The following KDM2A variants were observed in gnomAD, a reference collection of about 807,000 sequenced individuals.
KDM2A encodes lysine demethylase 2A.
In KDM2A, 3 loss-of-function variants were observed where a neutral mutation model predicts 137.3. The observed-to-expected ratio is 0.02, with a 90% CI of 0.01 to 0.06. The LOEUF (loss-of-function observed/expected upper bound fraction) is 0.06. KDM2A is among the 10% of genes least tolerant of loss of function. The pLI is 1.00. For synonymous variants in KDM2A, 512 were observed against 541.5 expected (o/e 0.95, Z 0.76); for missense variants, 738 against 1,510.6 (o/e 0.49, Z 8.48).
chr11:67,126,707 CAAAAAAAAA>C (rs765065960), intron 2 of KDM2A, among the ~76,000 whole-genome samples: 2 of 75,282 alleles, frequency 2.7e-5, no homozygotes, highest in Non-Finnish European at 6.1e-5. Context: ...GACTCCATTT[CAAAAAAAAA>C]AAAAAAAAAA....
intron 5 of KDM2A, among the ~76,000 whole-genome samples, chr11:67,183,667 C>G (rs1270054382): frequency 1.3e-5 from 2 of 152,182 alleles, no homozygotes; most frequent in Admixed American, 6.5e-5. Context: ...CAACCAAGCC[C>G]ATGACAAGCA....
chr11:67,226,095 T>C (rs1180638012), intron 10 of KDM2A, among the ~76,000 whole-genome samples: 1 of 146,258 alleles, frequency 6.8e-6, no homozygotes, highest in Non-Finnish European at 1.5e-5. Flanking sequence ...AATAAATAAA[T>C]TTAAAATAAC....
At chr11:67,195,041 A>C (rs1857443863) in intron 5 of KDM2A, among the ~76,000 whole-genome samples, 1 of 152,206 alleles carries the variant, frequency 6.6e-6, no homozygotes, top group Non-Finnish European at 1.5e-5. Context: ...ACAGTGTAGA[A>C]TATATGCAAT....
intron 12 of KDM2A, among the ~76,000 whole-genome samples, chr11:67,242,269 G>T (rs75665092): frequency 1.6e-5 from 2 of 126,680 alleles, no homozygotes; most frequent in African/African-American, 5.3e-5. Flanking sequence ...AGACTCTGTG[G>T]GTGTGTGTAT....
chr11:67,178,226 GA>G (rs1178555188), intron 2 of KDM2A, among the ~76,000 whole-genome samples: 1 of 151,912 alleles, frequency 6.6e-6, no homozygotes, highest in Non-Finnish European at 1.5e-5. Context: ...GCCAACATGG[GA>G]AACCCCTGTC....
At chr11:67,173,950 A>G (rs930797712) in intron 2 of KDM2A, among the ~76,000 whole-genome samples, 1 of 152,074 alleles carries the variant, frequency 6.6e-6, no homozygotes, top group African/African-American at 2.4e-5. Flanking sequence ...GGCTTCAGAA[A>G]GTGATCCTCC....
intron 5 of KDM2A, among the ~76,000 whole-genome samples, chr11:67,206,889 G>A (rs150230968): frequency 2.0e-5 from 3 of 152,248 alleles, no homozygotes; most frequent in African/African-American, 7.2e-5. Context: ...GTCCATCCTG[G>A]TGTCTTTATC....
intron 2 of KDM2A, among the ~76,000 whole-genome samples, chr11:67,179,696 C>T (rs1165780816): frequency 2.0e-5 from 3 of 152,188 alleles, no homozygotes; most frequent in Non-Finnish European, 4.4e-5. Flanking sequence ...ATACAGCTCT[C>T]CCTGTGAAAA....
intron 2 of KDM2A, among the ~76,000 whole-genome samples, chr11:67,154,489 A>G (rs866472505): frequency 6.6e-6 from 1 of 151,964 alleles, no homozygotes; most frequent in African/African-American, 2.4e-5. Context: ...CTGGAGCGCA[A>G]TGGCGTGATT....
chr11:67,188,504 A>G (rs1391673465), intron 5 of KDM2A, among the ~76,000 whole-genome samples: 2 of 150,310 alleles, frequency 1.3e-5, no homozygotes, highest in Admixed American at 6.6e-5. Flanking sequence ...AAAGAAAGAA[A>G]AAATGGTTGG....
chr11:67,190,114 G>A (rs1389192270), intron 5 of KDM2A, among the ~76,000 whole-genome samples: 2 of 152,140 alleles, frequency 1.3e-5, no homozygotes, highest in Admixed American at 6.6e-5. Flanking sequence ...ACTAAAATCA[G>A]AAGTGAAAGT....
intron 2 of KDM2A, among the ~76,000 whole-genome samples, chr11:67,132,316 C>T (rs900688238): frequency 2.6e-5 from 4 of 152,204 alleles, no homozygotes; most frequent in Non-Finnish European, 4.4e-5. Context: ...TGGAGTCTCA[C>T]TGCGATGTCC....
At chr11:67,150,977 G>T (rs141018889) in intron 2 of KDM2A, among the ~76,000 whole-genome samples, 4 of 152,246 alleles carry the variant, frequency 2.6e-5, no homozygotes, top group Non-Finnish European at 5.9e-5. Context: ...GAGTGGGAGG[G>T]AGTATGTAGT....
intron 5 of KDM2A, among the ~76,000 whole-genome samples, chr11:67,203,263 G>A (rs1053131338): frequency 6.6e-6 from 1 of 151,544 alleles, no homozygotes; most frequent in Non-Finnish European, 1.5e-5. Flanking sequence ...ATAGCCTACA[G>A]TATAATGTAA....
chr11:67,223,682 C>T (rs1015702184), intron 10 of KDM2A, among the ~76,000 whole-genome samples: 4 of 152,078 alleles, frequency 2.6e-5, no homozygotes, highest in Admixed American at 2.6e-4. Context: ...AGCCTTGGGA[C>T]CACGGGCATG....
At chr11:67,147,781 GATTCTC>G (rs1253876990) in intron 2 of KDM2A, among the ~76,000 whole-genome samples, 1 of 151,414 alleles carries the variant, frequency 6.6e-6, no homozygotes, top group African/African-American at 2.4e-5. Flanking sequence ...GGGTTCAAGC[GATTCTC>G]CAGCCTCAAC....
chr11:67,199,278 G>A (rs2136364741), intron 5 of KDM2A, among the ~76,000 whole-genome samples: 1 of 152,164 alleles, frequency 6.6e-6, no homozygotes. Flanking sequence ...AATAACACAT[G>A]GCCTCTTAAG....
chr11:67,240,413 G>A, intron 12 of KDM2A: 1 of 1,491,710 alleles, frequency 6.7e-7, no homozygotes. Context: ...TGGGGTGCGT[G>A]TAACTATAGG....
Position 67,138,696 on chromosome 11 carries a change from G to T in KDM2A, c.42+17338G>T, listed in dbSNP as rs148738507. Among the ~76,000 whole-genome samples, 99 of 152,236 alleles carry T rather than the reference G, an allele frequency of 6.5e-4. 3 individuals are homozygous for T. Among genetic ancestry groups the T allele is most frequent in the African/African-American group, 2.2e-3 (93 of 41,524 alleles). On this transcript the variant is annotated intron_variant, in intron 2 of 20. Transcript: ENST00000529006. Reference sequence around the variant, plus strand: ...CTAGGGAAGCTGAGGCAGAAGAATTGCTTGAACCTGGGAGGTGGAGGTTAC... The same window carrying T: ...CTAGGGAAGCTGAGGCAGAAGAATTTCTTGAACCTGGGAGGTGGAGGTTAC...
Sources: gnomAD v4.1 joint callset for allele counts (sites outside exome capture counted in the v4.1 genomes callset) on GRCh38, gnomAD v4.1.1 for gene constraint, MANE v1.5 for transcripts, NCBI Gene and HGNC (gene_info 2026-07-23, HGNC 2026-07-21) for gene names.